PDE11A: variants seen among roughly 807,000 people sequenced by gnomAD.
PDE11A encodes phosphodiesterase 11A, also known as dual 3',5'-cyclic-AMP and -GMP phosphodiesterase 11A.
PDE11A carries 100 observed loss-of-function variants against 100.5 expected under a neutral mutation model. The observed-to-expected ratio is 1.00, with a 90% CI of 0.85 to 1.18. PDE11A has a LOEUF of 1.18. Among genes scored for constraint, PDE11A ranks in the 50% most tolerant of loss-of-function variants. PDE11A has a pLI of 0.00. For missense variants in PDE11A, 1,141 were observed against 1,152.6 expected, an observed-to-expected ratio of 0.99 and a Z score of 0.15; for synonymous variants, 381 against 420.8, an observed-to-expected ratio of 0.91 and a Z score of 1.16.
chr2:178,023,268 T>A (rs1421568323), intron 1 of PDE11A, among the ~76,000 whole-genome samples: 2 of 152,174 alleles, frequency 1.3e-5, no homozygotes, highest in East Asian at 3.8e-4. Flanking sequence ...CTTTCATGTC[T>A]TTGAGAAAGA....
intron 4 of PDE11A, among the ~76,000 whole-genome samples, chr2:177,878,713 C>T (rs189337388): frequency 6.8e-4 from 103 of 152,204 alleles, no homozygotes; most frequent in African/African-American, 2.1e-3. Flanking sequence ...ATTGCAGAAC[C>T]GAGATTTGAA....
intron 15 of PDE11A, among the ~76,000 whole-genome samples, chr2:177,690,596 T>C (rs1474160020): frequency 6.6e-6 from 1 of 152,256 alleles, no homozygotes; most frequent in Middle Eastern, 3.2e-3. Context: ...TGCATTTTTC[T>C]GTCATCATCA....
intron 10 of PDE11A, among the ~76,000 whole-genome samples, chr2:177,737,601 A>G (rs1485105574): frequency 6.6e-6 from 1 of 150,884 alleles, no homozygotes; most frequent in African/African-American, 2.4e-5. Flanking sequence ...AAAAAAAAAA[A>G]GCCAAGAGAG....
chr2:178,011,347 GC>G (rs1187421453), intron 2 of PDE11A, among the ~76,000 whole-genome samples: 1 of 152,158 alleles, frequency 6.6e-6, no homozygotes, highest in Non-Finnish European at 1.5e-5. Context: ...GGCCTTCTAA[GC>G]TGCCTGCTGA....
chr2:177,916,927 ATTTT>A (rs1183483256), intron 2 of PDE11A, among the ~76,000 whole-genome samples: 65 of 105,304 alleles, frequency 6.2e-4, no homozygotes, highest in African/African-American at 2.4e-3. Flanking sequence ...CGCCCGGCTA[ATTTT>A]TTTTTTTTTT....
Position 178,032,790 on chromosome 2 carries a change from A to G in PDE11A, c.913-18330T>C, listed in dbSNP as rs760085123. On this transcript the variant is annotated intron_variant, in intron 1 of 19. Coordinates refer to ENST00000286063, the MANE Select transcript of PDE11A (RefSeq NM_016953.4). The stretch of plus-strand genomic sequence containing the variant: ...GAGTGGACCTCCAGCAAACTGCAGC[A>G]GACCTGCAGAAGAGGGACCTGATTG... Among the ~76,000 whole-genome samples the G allele has an allele frequency of 4.5e-4, 69 of 152,222 alleles. 2 individuals are homozygous for G. The highest frequency in any genetic ancestry group is 7.3e-4 in the Non-Finnish European group (50 of 68,030).
intron 13 of PDE11A, among the ~76,000 whole-genome samples, chr2:177,710,658 G>C (rs1413459743): frequency 6.6e-6 from 1 of 152,166 alleles, no homozygotes; most frequent in Non-Finnish European, 1.5e-5. Context: ...GGAAATGATA[G>C]GATATTGAGA....
At chr2:178,101,586 C>A (rs1484475176) in intron 2 of PDE11A, among the ~76,000 whole-genome samples, 1 of 152,190 alleles carries the variant, frequency 6.6e-6, no homozygotes. Context: ...CTGAAATCAC[C>A]TGATTGGTCC....
At chr2:178,004,817 T>C (rs544218338) in intron 2 of PDE11A, among the ~76,000 whole-genome samples, 1 of 152,276 alleles carries the variant, frequency 6.6e-6, no homozygotes, top group Non-Finnish European at 1.5e-5. Flanking sequence ...TCTTCAGCAC[T>C]ATGATGCATA....
chr2:178,038,637 G>C (rs2086645904), intron 1 of PDE11A, among the ~76,000 whole-genome samples: 1 of 152,108 alleles, frequency 6.6e-6, no homozygotes, highest in Non-Finnish European at 1.5e-5. Flanking sequence ...AGGGTTGAGG[G>C]GGAGTCATTC....
At chr2:177,833,042 T>C (rs1050225073) in intron 6 of PDE11A, among the ~76,000 whole-genome samples, 2 of 152,204 alleles carry the variant, frequency 1.3e-5, no homozygotes, top group African/African-American at 2.4e-5. Flanking sequence ...AATCCTGCTC[T>C]AAAACTTGCC....
rs1559015671 is a variant in PDE11A, at chr2:177,939,535, GGAAGGAAGGAAGGA to G, written c.1072-34362_1072-34349del. ...GGGAGGGAAGGGAGGGAGGGAGGAA[GGAAGGAAGGAAGGA>G]AGGAAGGAAGGAAGGAAGGAAGGAA... On this transcript the variant is annotated intron_variant, in intron 2 of 19. Transcript: ENST00000286063. 2.8e-3 allele frequency among the ~76,000 whole-genome samples: 236 copies of G among 83,448 alleles called. 1 individual carries two copies. Among genetic ancestry groups the G allele is most frequent in the African/African-American group, 0.01 (219 of 21,682 alleles). The allele number at this position is 83,448 out of a possible 152,430, so 54.7% of individuals were successfully genotyped here.
chr2:177,959,233 A>G (rs912789113), intron 2 of PDE11A, among the ~76,000 whole-genome samples: 8 of 152,266 alleles, frequency 5.3e-5, no homozygotes, highest in South Asian at 2.1e-4. Flanking sequence ...AAAAATCCCT[A>G]TGGCTGGAGA....
intron 5 of PDE11A, among the ~76,000 whole-genome samples, chr2:177,849,422 A>T (rs1361397472): frequency 6.6e-6 from 1 of 152,198 alleles, no homozygotes; most frequent in Non-Finnish European, 1.5e-5. Flanking sequence ...AGCTTTAAAA[A>T]GTGTGGGGTT....
At chr2:178,065,218 C>T (rs2105868439) in intron 1 of PDE11A, among the ~76,000 whole-genome samples, 1 of 152,254 alleles carries the variant, frequency 6.6e-6, no homozygotes, top group South Asian at 2.1e-4. Flanking sequence ...AAATAAGCAG[C>T]AAGCAATGTA....
chr2:177,689,946 C>T (rs911637644), intron 15 of PDE11A, among the ~76,000 whole-genome samples: 4 of 152,178 alleles, frequency 2.6e-5, no homozygotes, highest in African/African-American at 7.2e-5. Context: ...CACAGCCCTT[C>T]GCTGCTAGAT....
chr2:177,810,139 T>G (rs1386007905), intron 9 of PDE11A, among the ~76,000 whole-genome samples: 1 of 152,156 alleles, frequency 6.6e-6, no homozygotes, highest in Non-Finnish European at 1.5e-5. Context: ...TACGAGCTGA[T>G]GTTATGCCAG....
At chr2:178,035,577 AAAG>A (rs1475841546) in intron 1 of PDE11A, among the ~76,000 whole-genome samples, 1 of 152,244 alleles carries the variant, frequency 6.6e-6, no homozygotes, top group Non-Finnish European at 1.5e-5. Context: ...GACAACAAAA[AAAG>A]AAATTTTCAG....
At chr2:177,759,098 T>C (rs1269394016) in intron 10 of PDE11A, among the ~76,000 whole-genome samples, 1 of 151,930 alleles carries the variant, frequency 6.6e-6, no homozygotes, top group Non-Finnish European at 1.5e-5. Flanking sequence ...AGACAATGAA[T>C]TGCCATGAGA....
Sources: gnomAD v4.1 joint callset for allele counts (sites outside exome capture counted in the v4.1 genomes callset) on GRCh38, gnomAD v4.1.1 for gene constraint, MANE v1.5 for transcripts, NCBI Gene and HGNC (gene_info 2026-07-23, HGNC 2026-07-21) for gene names.